Variants in DLGAP2 observed in about 807,000 individuals in gnomAD.
DLGAP2 encodes the protein DLG associated protein 2, also known as disks large-associated protein 2.
DLGAP2 carries 26 observed loss-of-function variants against 100.3 expected under a neutral mutation model. That is an observed-to-expected ratio of 0.26 (90% confidence interval 0.19 to 0.36). The LOEUF (loss-of-function observed/expected upper bound fraction) is 0.36. Ranked by LOEUF, DLGAP2 falls within the 10% of genes least tolerant of loss-of-function variation. The pLI is 1.00. For missense variants in DLGAP2, 1,858 were observed against 1,453.2 expected (o/e 1.28, Z -4.53); for synonymous variants, 886 against 630.1 (o/e 1.41, Z -6.08).
chr8:927,991 C>T (rs1798855548), intron 2 of DLGAP2, among the ~76,000 whole-genome samples: 1 of 152,180 alleles, frequency 6.6e-6, no homozygotes, highest in Non-Finnish European at 1.5e-5. Context: ...GAGGGAAGCA[C>T]GTGTGTGCAG....
intron 2 of DLGAP2, among the ~76,000 whole-genome samples, chr8:1,116,899 G>A (rs1805135190): frequency 6.6e-6 from 1 of 152,310 alleles, no homozygotes. Context: ...ACAGTTGATG[G>A]GAAGACAGAA....
In DLGAP2 at chr8:1,548,803, G is replaced by C; in HGVS notation, c.350G>C (p.Arg117Pro). The C allele has an allele frequency of 1.9e-6, 3 of 1,579,408 alleles. No homozygotes were observed. Among genetic ancestry groups the C allele is most frequent in the African/African-American group, 1.3e-5 (1 of 74,200 alleles). Reference protein sequence around the residue: ...CEHLHHGPDARPPYLLSPADS... With the variant: ...CEHLHHGPDAPPPYLLSPADS... Reference sequence around the variant, plus strand: ...CACCTGCACCACGGGCCCGACGCGCGGCCGCCCTACCTGCTGAGCCCCGCC... The same window carrying C: ...CACCTGCACCACGGGCCCGACGCGCCGCCGCCCTACCTGCTGAGCCCCGCC... Residue 117 changes from arginine to proline, a missense_variant, in exon 5 of 15, where the codon CGG becomes CCG. Physicochemically the swap from Arg to Pro is moderately radical, Grantham distance 103. Transcript: ENST00000637795.
intron 2 of DLGAP2, among the ~76,000 whole-genome samples, chr8:1,145,250 C>G (rs2129050933): frequency 6.6e-6 from 1 of 152,284 alleles, no homozygotes; most frequent in Middle Eastern, 3.4e-3. Flanking sequence ...CACCCAGCCA[C>G]CATCCGGAAA....
At chr8:1,458,955 G>A (rs1485629519) in intron 3 of DLGAP2, among the ~76,000 whole-genome samples, 2 of 152,132 alleles carry the variant, frequency 1.3e-5, no homozygotes, top group Non-Finnish European at 2.9e-5. Context: ...CCAGACAGGA[G>A]TGACAACCAG....
chr8:1,692,375 G>A (rs1264626654), intron 13 of DLGAP2, among the ~76,000 whole-genome samples: 2 of 39,984 alleles, frequency 5.0e-5, no homozygotes, highest in Non-Finnish European at 4.7e-5. Context: ...GCAGGGAGGC[G>A]GATACGGCCC....
chr8:1,491,397 T>TTCGGGCCGCTCCCCCTGACCC (rs1799383133), intron 3 of DLGAP2, among the ~76,000 whole-genome samples: 3 of 149,472 alleles, frequency 2.0e-5, no homozygotes, highest in African/African-American at 7.4e-5. Context: ...CCCCCTGACC[T>TTCGGGCCGCTCCCCCTGACCC]CGGAGGCTTC....
intron 1 of DLGAP2, among the ~76,000 whole-genome samples, chr8:858,936 G>C (rs1421250599): frequency 6.6e-6 from 1 of 152,096 alleles, no homozygotes; most frequent in Non-Finnish European, 1.5e-5. Flanking sequence ...ACTAACATAA[G>C]CTGTTAATGG....
intron 3 of DLGAP2, among the ~76,000 whole-genome samples, chr8:1,350,396 C>T (rs78264290): frequency 1.7e-3 from 83 of 49,990 alleles, no homozygotes; most frequent in African/African-American, 4.5e-3. Flanking sequence ...GGAAAGGCCG[C>T]GCGGGTCCTG....
chr8:1,081,774 T>G (rs1803819381), intron 2 of DLGAP2, among the ~76,000 whole-genome samples: 1 of 152,210 alleles, frequency 6.6e-6, no homozygotes, highest in East Asian at 1.9e-4. Flanking sequence ...ACTAGGAACT[T>G]TGAGAATTTA....
Position 1,089,052 on chromosome 8 carries a change from C to G in DLGAP2, c.74-169799C>G, listed in dbSNP as rs114846922. Among the ~76,000 whole-genome samples, 28 of 115,184 alleles carry G rather than the reference C, an allele frequency of 2.4e-4. 9 individuals carry two copies. Among genetic ancestry groups the G allele is most frequent in the African/African-American group, 4.4e-4 (12 of 27,456 alleles). The allele number at this position is 115,184 out of a possible 152,430, so 75.6% of individuals were successfully genotyped here. On this transcript the variant is annotated intron_variant, in intron 2 of 14. Transcript: ENST00000637795. ...CATCCAGCAGGCTATGCCATTCTTG[C>G]TCCCCGGCCTCACTCTCTCCACCCC...
At chr8:1,093,983 G>A (rs541893069) in intron 2 of DLGAP2, among the ~76,000 whole-genome samples, 4 of 151,984 alleles carry the variant, frequency 2.6e-5, no homozygotes, top group South Asian at 2.1e-4. Flanking sequence ...GCAGGCGCTC[G>A]TGGATGGAGG....
chr8:894,711 A>G, intron 1 of DLGAP2, among the ~76,000 whole-genome samples: 1 of 136,278 alleles, frequency 7.3e-6, no homozygotes, highest in African/African-American at 2.9e-5. Flanking sequence ...TGGCATGGGA[A>G]GAGCAGAGTG....
intron 2 of DLGAP2, among the ~76,000 whole-genome samples, chr8:1,116,031 G>A (rs1048990523): frequency 3.9e-5 from 6 of 152,220 alleles, no homozygotes; most frequent in African/African-American, 7.2e-5. Flanking sequence ...TCCGTCAGAC[G>A]TGGCCAGTGA....
chr8:1,639,529 G>A (rs1016016894), intron 8 of DLGAP2, among the ~76,000 whole-genome samples: 8 of 152,204 alleles, frequency 5.3e-5, no homozygotes, highest in African/African-American at 9.6e-5. Flanking sequence ...TCAGCACAGC[G>A]GAGACCCCTG....
intron 1 of DLGAP2, among the ~76,000 whole-genome samples, chr8:810,155 G>A (rs1344907096): frequency 6.6e-6 from 1 of 152,124 alleles, no homozygotes; most frequent in African/African-American, 2.4e-5. Context: ...CCTCTCTCTG[G>A]AACATGTGGA....
At chr8:1,264,872 G>A (rs372806329) in intron 3 of DLGAP2, among the ~76,000 whole-genome samples, 23 of 152,204 alleles carry the variant, frequency 1.5e-4, no homozygotes, top group South Asian at 1.0e-3. Flanking sequence ...AGTCTTTCCC[G>A]TGCTGTTCTC....
At chr8:1,330,630 G>A (rs538422694) in intron 3 of DLGAP2, among the ~76,000 whole-genome samples, 108 of 136,094 alleles carry the variant, frequency 7.9e-4, no homozygotes, top group Non-Finnish European at 1.5e-3. Flanking sequence ...ACCGCTTCAC[G>A]GGGACCGAGT....
At chr8:1,669,628 C>T (rs1274049608) in intron 9 of DLGAP2, 115 bp from the exon 10 acceptor site, 7 of 746,808 alleles carry the variant, frequency 9.4e-6, no homozygotes, top group Admixed American at 1.8e-5. Context: ...TGCTGAGAGC[C>T]GGGCCCGTGC....
At chr8:1,675,121 A>G (rs558694679) in intron 10 of DLGAP2, among the ~76,000 whole-genome samples, 1 of 152,268 alleles carries the variant, frequency 6.6e-6, no homozygotes, top group Non-Finnish European at 1.5e-5. Flanking sequence ...GCAAACACGC[A>G]TCCCAGTCTC....
Sources: gnomAD v4.1 joint callset for allele counts (sites outside exome capture counted in the v4.1 genomes callset) on GRCh38, gnomAD v4.1.1 for gene constraint, MANE v1.5 for transcripts, NCBI Gene and HGNC (gene_info 2026-07-23, HGNC 2026-07-21) for gene names.